Variants in CYP3A7 observed in about 807,000 individuals in gnomAD.
CYP3A7 encodes cytochrome P450 family 3 subfamily A member 7, also known as cytochrome P450 3A7.
In CYP3A7, 45 loss-of-function variants were observed where a neutral mutation model predicts 55.2. That is an observed-to-expected ratio of 0.82 (90% CI 0.64 to 1.05). The LOEUF (loss-of-function observed/expected upper bound fraction) is 1.05, where lower values mean the gene tolerates loss of function less well. Ranked by LOEUF, CYP3A7 falls within the 50% of genes least tolerant of loss-of-function variation. The pLI, the probability that CYP3A7 is intolerant of heterozygous loss-of-function variation, is 0.00. For missense variants in CYP3A7, 548 were observed against 605.3 expected (o/e 0.91, Z 0.99); for synonymous variants, 180 against 207.4 (o/e 0.87, Z 1.13).
chr7:99,708,939 C>T (rs937192032), intron 11 of CYP3A7, 96 bp downstream of exon 11: 10 of 1,369,042 alleles, frequency 7.3e-6, no homozygotes, highest in Non-Finnish European at 9.3e-6. Context: ...AAAAGACAAG[C>T]AAACGATTGT....
At chr7:99,716,107 G>A (rs1436551230) in intron 6 of CYP3A7, among the ~76,000 whole-genome samples, 1 of 152,142 alleles carries the variant, frequency 6.6e-6, no homozygotes, top group Admixed American at 6.5e-5. Context: ...TCTCCGCTGG[G>A]GGTGATGGAG....
chr7:99,719,604 AT>A (rs1157510761), intron 4 of CYP3A7, among the ~76,000 whole-genome samples: 14 of 152,036 alleles, frequency 9.2e-5, no homozygotes, highest in African/African-American at 3.4e-4. Flanking sequence ...CCATAAAAAA[AT>A]ATTAATACAT....
chr7:99,722,373 T>G, intron 2 of CYP3A7, 25 bp from the exon 3 acceptor site: 1 of 1,611,776 alleles, frequency 6.2e-7, no homozygotes, highest in South Asian at 1.1e-5. Context: ...AAAATAATAT[T>G]TCATTATTAT....
intron 2 of CYP3A7, chr7:99,730,854 G>C: frequency 1.7e-6 from 1 of 593,946 alleles, no homozygotes; most frequent in East Asian, 3.1e-5. Flanking sequence ...CATTTGGGCT[G>C]TCCAACTGAG....
chr7:99,727,179 C>T (rs1814443340), intron 2 of CYP3A7, among the ~76,000 whole-genome samples: 1 of 152,192 alleles, frequency 6.6e-6, no homozygotes, highest in Non-Finnish European at 1.5e-5. Context: ...AGCCAAAGTG[C>T]AGGGCTGTGC....
Position 99,707,694 on chromosome 7 carries a change from C to G in CYP3A7, c.1416+118G>C, listed in dbSNP as rs115866163. On this transcript the variant is annotated intron_variant, in intron 12 of 12. Coordinates refer to ENST00000336374, the MANE Select transcript of CYP3A7 (RefSeq NM_000765.5). ...ATCATAGATGGGTCCAAATAGATTC[C>G]TTGGCCCATAGAACAAATTATTAAA... 5.9e-4 allele frequency: 887 copies of G among 1,502,722 alleles called. 3 individuals are homozygous for G. The African/African-American group carries it at 0.011, about 19-fold the overall frequency. The allele number at this position is 1,502,722 out of a possible 1,614,324, so 93.1% of individuals were successfully genotyped here.
chr7:99,732,380 C>T (rs1481641169), intron 1 of CYP3A7, among the ~76,000 whole-genome samples: 2 of 152,038 alleles, frequency 1.3e-5, no homozygotes, highest in East Asian at 3.9e-4. Context: ...TCTAAATTAC[C>T]CACCCTGAGA....
intron 1 of CYP3A7, among the ~76,000 whole-genome samples, chr7:99,733,848 A>G (rs1814723320): frequency 6.6e-6 from 1 of 152,222 alleles, no homozygotes; most frequent in Non-Finnish European, 1.5e-5. Flanking sequence ...TAACCTGCTA[A>G]GCAGGTGTAT....
At position 99,708,630 on chromosome 7, in the gene CYP3A7, A is replaced by G. The variant is rs147547316; in HGVS notation, c.1253+405T>C. Among the ~76,000 whole-genome samples the G allele has an allele frequency of 2.9e-3, 438 of 152,284 alleles. 1 individual carries two copies. The highest frequency in any genetic ancestry group is 5.2e-3 in the Non-Finnish European group (355 of 68,024). On this transcript the variant is annotated intron_variant, in intron 11 of 12. Coordinates refer to ENST00000336374, the MANE Select transcript of CYP3A7 (RefSeq NM_000765.5). ...ACTGCTTTCTTTGTCTATCTGTTGC[A>G]CTAACCTATAAATTCTTTGAAGATT...
At chr7:99,720,208 C>T (rs1405488471) in intron 4 of CYP3A7, 105 bp downstream of exon 4, 28 of 1,428,552 alleles carry the variant, frequency 2.0e-5, no homozygotes, top group Non-Finnish European at 2.7e-5. Context: ...GTACATGGAA[C>T]CTTCCTGCAC....
At chr7:99,729,043 T>C (rs1029646316) in intron 2 of CYP3A7, among the ~76,000 whole-genome samples, 2 of 152,096 alleles carry the variant, frequency 1.3e-5, no homozygotes, top group Non-Finnish European at 1.5e-5. Context: ...TATGACAATA[T>C]AAAAAAGCTT....
rs1323526148 is a variant in CYP3A7 at position 99,705,448 on chromosome 7, G to A, written c.*52C>T. 1.3e-6 allele frequency: 2 copies of A among 1,585,336 alleles called. No individual in the cohort carries two copies. Among genetic ancestry groups the A allele is most frequent in the Non-Finnish European group, 1.7e-6 (2 of 1,155,106 alleles). On this transcript the variant is annotated 3_prime_UTR_variant, in exon 13 of 13. Transcript: ENST00000336374. ...TTTGTAAAGTAATTTGAGGTCTCTGGTGTTCTGGGGCACAGCTTTCTTAAA... is the reference window on the plus strand; with the variant it reads ...TTTGTAAAGTAATTTGAGGTCTCTGATGTTCTGGGGCACAGCTTTCTTAAA...
At chr7:99,730,986 G>C in intron 2 of CYP3A7, 73 bp downstream of exon 2, 2 of 1,572,976 alleles carry the variant, frequency 1.3e-6, no homozygotes, top group South Asian at 2.2e-5. Context: ...TTGAGGAGAA[G>C]CATTTTTACT....
intron 11 of CYP3A7, 58 bp downstream of exon 11, chr7:99,708,977 C>T (rs1813637117): frequency 1.8e-5 from 29 of 1,585,032 alleles, no homozygotes; most frequent in Non-Finnish European, 2.4e-5. Context: ...TGTAGAGAGG[C>T]AGAATATGCT....
chr7:99,722,542 T>C (rs1814245586), intron 2 of CYP3A7, among the ~76,000 whole-genome samples, 194 bp from the exon 3 acceptor site: 1 of 152,190 alleles, frequency 6.6e-6, no homozygotes, highest in African/African-American at 2.4e-5. Context: ...AAAATCACTC[T>C]TGAATTTTCT....
chr7:99,713,386 T>TG, intron 9 of CYP3A7, 83 bp downstream of exon 9: 6 of 1,590,974 alleles, frequency 3.8e-6, no homozygotes, highest in Non-Finnish European at 5.2e-6. Context: ...CTCATCTACC[T>TG]GGAATACTTC....
chr7:99,716,859 A>C (rs775131695), intron 6 of CYP3A7, among the ~76,000 whole-genome samples: 1 of 151,866 alleles, frequency 6.6e-6, no homozygotes, highest in Admixed American at 6.6e-5. Flanking sequence ...CATCCCATAC[A>C]CTCCATGCTT....
chr7:99,717,989 G>A (rs1814032375), intron 4 of CYP3A7, among the ~76,000 whole-genome samples: 1 of 152,136 alleles, frequency 6.6e-6, no homozygotes, highest in South Asian at 2.1e-4. Context: ...TGCCTCAGAC[G>A]AGCTCTGTCT....
At chr7:99,730,995 C>G in intron 2 of CYP3A7, 64 bp downstream of exon 2, 3 of 1,591,482 alleles carry the variant, frequency 1.9e-6, no homozygotes, top group Admixed American at 1.7e-5. Context: ...AGCATTTTTA[C>G]TGATGGAACT....
Sources: gnomAD v4.1 joint callset for allele counts (sites outside exome capture counted in the v4.1 genomes callset) on GRCh38, gnomAD v4.1.1 for gene constraint, MANE v1.5 for transcripts, NCBI Gene and HGNC (gene_info 2026-07-23, HGNC 2026-07-21) for gene names.